ZNF469: variants seen among roughly 807,000 people sequenced by gnomAD.
ZNF469 encodes the protein zinc finger protein 469.
In ZNF469, 1 loss-of-function variant was observed where a neutral mutation model predicts 1.0. That is an observed-to-expected ratio of 1.00 (90% CI 0.35 to 4.73). ZNF469 has a LOEUF of 4.73. Among genes scored for constraint, ZNF469 ranks in the 30% most tolerant of loss-of-function variants. The pLI is 0.16. For synonymous variants in ZNF469, 2,703 were observed against 2,363.4 expected, an observed-to-expected ratio of 1.14 and a Z score of -4.17; for missense variants, 6,100 against 5,356.3, an observed-to-expected ratio of 1.14 and a Z score of -4.33.
chr16:88,341,547 C>T, the ZNF469 span, among the ~76,000 whole-genome samples: 25,109 of 152,276 alleles, frequency 0.16, 2,478 homozygotes, highest in Non-Finnish European at 0.23. Flanking sequence ...ACTCTCAAGC[C>T]GTGCCCCAGA....
At chr16:88,218,640 GACAAACCC>G in the ZNF469 span, among the ~76,000 whole-genome samples, 6 of 149,800 alleles carry the variant, frequency 4.0e-5, no homozygotes, top group East Asian at 1.2e-3. Flanking sequence ...AGCTATCTAT[GACAAACCC>G]ACAGCCAATA....
chr16:88,151,617 C>T, the ZNF469 span, among the ~76,000 whole-genome samples: 3,524 of 152,272 alleles, frequency 0.023, 139 homozygotes, highest in African/African-American at 0.081. This position sits in a 1 kb window ranked among gnomAD's most constrained non-coding sequence, Gnocchi z 5.4. Context: ...TAGTGTCTTC[C>T]GTGTGGATTG....
Position 88,439,486 on chromosome 16 carries a change from C to T in ZNF469, c.*154C>T, listed in dbSNP as rs1310034521. On this transcript the variant is annotated 3_prime_UTR_variant, in exon 3 of 3. Coordinates refer to ENST00000565624, the MANE Select transcript of ZNF469 (RefSeq NM_001367624.2). ...TGATGTCAGAGCTGAGGTGGTGATG[C>T]TTTGAACAGGGCCCAGGTGGGCAGC... 4 of 866,288 alleles carry T rather than the reference C, an allele frequency of 4.6e-6. No homozygotes were observed. The African/African-American group carries it at 5.0e-5, about 11-fold the overall frequency. 53.7% of individuals were successfully genotyped at this position (866,288 alleles called of 1,614,324 possible).
chr16:88,145,757 C>T, the ZNF469 span, among the ~76,000 whole-genome samples: 2 of 152,262 alleles, frequency 1.3e-5, no homozygotes, highest in Admixed American at 1.3e-4. Flanking sequence ...TGCCCCAGCC[C>T]CCAGTGCCGG....
At chr16:88,411,474 AAGCAGGCAGGGGTGCGAGCGGGCAGGGG>A (rs1905161549) in intron 1 of ZNF469, among the ~76,000 whole-genome samples, 1 of 4,700 alleles carries the variant, frequency 2.1e-4, no homozygotes, top group Non-Finnish European at 9.3e-4. Flanking sequence ...GCAGGGGTGC[AAGCAGGCAGGGGTGCGAGCGGGCAGGGG>A]TGCAAGCAGG....
chr16:88,183,917 G>A, the ZNF469 span, among the ~76,000 whole-genome samples: 1 of 152,048 alleles, frequency 6.6e-6, no homozygotes, highest in South Asian at 2.1e-4. Flanking sequence ...GGGGGAGGGA[G>A]GTCCTGTAGG....
chr16:88,183,375 A>G, the ZNF469 span, among the ~76,000 whole-genome samples: 2 of 152,222 alleles, frequency 1.3e-5, no homozygotes, highest in African/African-American at 2.4e-5. Context: ...TTCACTCACA[A>G]CAGCCCACAT....
At chr16:88,415,476 G>T (rs1017223809) in intron 1 of ZNF469, among the ~76,000 whole-genome samples, 1 of 152,246 alleles carries the variant, frequency 6.6e-6, no homozygotes, top group African/African-American at 2.4e-5. Context: ...GCAGTGCTGT[G>T]CCCATTTTAC....
At chr16:88,119,992 G>A in the ZNF469 span, among the ~76,000 whole-genome samples, 1 of 152,176 alleles carries the variant, frequency 6.6e-6, no homozygotes, top group Non-Finnish European at 1.5e-5. Flanking sequence ...GTGCTGTGAG[G>A]GGAGCACTGT....
intron 1 of ZNF469, among the ~76,000 whole-genome samples, chr16:88,398,584 A>C (rs866528745): frequency 2.1e-5 from 3 of 141,074 alleles, no homozygotes; most frequent in African/African-American, 8.3e-5. Context: ...ACAAAGGGAC[A>C]TGTGCCACAG....
the ZNF469 span, among the ~76,000 whole-genome samples, chr16:88,355,684 A>C: frequency 2.0e-5 from 3 of 152,184 alleles, no homozygotes; most frequent in East Asian, 5.8e-4. Context: ...GCACCCTAAC[A>C]GGCCTATCAT....
At chr16:88,279,031 C>T in the ZNF469 span, among the ~76,000 whole-genome samples, 21 of 151,988 alleles carry the variant, frequency 1.4e-4, 2 homozygotes, top group Admixed American at 2.0e-4. Context: ...TGCTGTACCA[C>T]GCCAACGCTC....
the ZNF469 span, among the ~76,000 whole-genome samples, chr16:88,301,303 C>T: frequency 2.6e-5 from 4 of 151,980 alleles, no homozygotes; most frequent in Non-Finnish European, 5.9e-5. Context: ...TACAGGTGCC[C>T]GCTACCACGC....
rs1234933921 is a variant in ZNF469 at position 88,432,788 on chromosome 16, G to T, written c.5318G>T (p.Arg1773Ile). Reference sequence around the variant, plus strand: ...CTGCGGCTGCTTCCCTGTGAACAGAGAGGAGGGTTCCTCCCAGAGCCCGGC... The same window carrying T: ...CTGCGGCTGCTTCCCTGTGAACAGATAGGAGGGTTCCTCCCAGAGCCCGGC... Reference protein sequence around the residue: ...DSLRLLPCEQRGGFLPEPGTA... With the variant: ...DSLRLLPCEQIGGFLPEPGTA... Residue 1773 changes from arginine (R) to isoleucine (I), a missense_variant, in exon 3 of 3, where the codon AGA (arginine) becomes ATA (isoleucine). Transcript: ENST00000565624. 6 of 1,550,396 alleles carry T rather than the reference G, an allele frequency of 3.9e-6. No homozygotes were observed. Among genetic ancestry groups the T allele is most frequent in the Non-Finnish European group, 5.2e-6 (6 of 1,146,996 alleles).
intron 1 of ZNF469, among the ~76,000 whole-genome samples, chr16:88,421,794 GT>G (rs1905467817): frequency 6.6e-6 from 1 of 152,220 alleles, no homozygotes; most frequent in Admixed American, 6.5e-5. Flanking sequence ...TGTGTCAATT[GT>G]GTGACCTTGG....
chr16:88,419,607 C>T (rs1335461866), intron 1 of ZNF469, among the ~76,000 whole-genome samples: 1 of 152,164 alleles, frequency 6.6e-6, no homozygotes, highest in African/African-American at 2.4e-5. Context: ...CCCCGGCAGC[C>T]TCCCACTCCC....
Position 88,429,424 on chromosome 16 carries a change from G to A in ZNF469, c.1954G>A (p.Glu652Lys). The change falls in exon 3 of 3, where the codon GAG becomes AAG. Residue 652 changes from glutamate to lysine, a missense_variant. By Grantham distance (56) the Glu-to-Lys change is moderately conservative. Transcript: ENST00000565624. The part of the protein sequence containing the change: ...QETGSPFPSP[E>K]PPHSLPTHYQ... ...GACGGGCAGCCCCTTCCCGTCCCCG[G>A]AGCCCCCCCACTCCCTCCCCACCCA... The A allele has an allele frequency of 1.3e-6, 2 of 1,538,516 alleles. No individual in the cohort carries two copies. Among genetic ancestry groups the A allele is most frequent in the Non-Finnish European group, 1.8e-6 (2 of 1,138,520 alleles).
intron 1 of ZNF469, among the ~76,000 whole-genome samples, 21 bp downstream of exon 1, chr16:88,383,275 T>C (rs111561531): frequency 0.71 from 104,165 of 146,668 alleles, 38,122 homozygotes; most frequent in African/African-American, 0.89. Flanking sequence ...ATGCGCCGCC[T>C]GGGCGCGCGC....
chr16:88,138,355 T>C, the ZNF469 span, among the ~76,000 whole-genome samples: 3 of 152,204 alleles, frequency 2.0e-5, no homozygotes, highest in African/African-American at 7.2e-5. Flanking sequence ...ACCAAAGTCT[T>C]GGCAGGGGAT....
Sources: allele counts gnomAD v4.1 joint callset (sites outside exome capture counted in the v4.1 genomes callset), GRCh38; gene constraint gnomAD v4.1.1; non-coding constraint Gnocchi (gnomAD v3.1); transcripts MANE v1.5; gene names NCBI Gene and HGNC (gene_info 2026-07-23, HGNC 2026-07-21).